Variants in ADAMTSL3 observed in about 807,000 individuals in gnomAD.
ADAMTSL3 encodes the protein ADAMTS like 3, also known as ADAMTS-like protein 3.
In ADAMTSL3, 128 loss-of-function variants were observed where a neutral mutation model predicts 201.7. That is an observed-to-expected ratio of 0.63 (90% CI 0.55 to 0.73). The LOEUF is 0.73. Ranked by LOEUF, ADAMTSL3 falls within the 30% of genes least tolerant of loss-of-function variation. The pLI is 0.00. For missense variants in ADAMTSL3, 1,990 were observed against 2,119.6 expected (o/e 0.94, Z 1.20); for synonymous variants, 738 against 748.4 (o/e 0.99, Z 0.23).
At chr15:83,737,485 T>G (rs1427408913) in intron 3 of ADAMTSL3, among the ~76,000 whole-genome samples, 1 of 152,172 alleles carries the variant, frequency 6.6e-6, no homozygotes, top group Non-Finnish European at 1.5e-5. Flanking sequence ...CTTTGTTCAC[T>G]CTTCTCTCTT....
intron 23 of ADAMTSL3, among the ~76,000 whole-genome samples, chr15:83,993,344 A>G (rs978958265): frequency 2.6e-5 from 4 of 152,218 alleles, no homozygotes; most frequent in Admixed American, 2.0e-4. Flanking sequence ...GTTATCATCC[A>G]ATTCAGTTTT....
chr15:83,788,163 A>G (rs1379303943), intron 4 of ADAMTSL3, among the ~76,000 whole-genome samples: 1 of 152,082 alleles, frequency 6.6e-6, no homozygotes, highest in Non-Finnish European at 1.5e-5. Flanking sequence ...ATTCAGAAAA[A>G]TGTCATCATT....
chr15:83,917,532 A>G (rs1256802505), intron 16 of ADAMTSL3, among the ~76,000 whole-genome samples: 1 of 152,182 alleles, frequency 6.6e-6, no homozygotes, highest in Non-Finnish European at 1.5e-5. Context: ...ACACATACTC[A>G]TGTACATCCT....
At chr15:83,894,696 C>T (rs1216934282) in intron 13 of ADAMTSL3, among the ~76,000 whole-genome samples, 1 of 152,070 alleles carries the variant, frequency 6.6e-6, no homozygotes, top group Non-Finnish European at 1.5e-5. Flanking sequence ...TATTCTACTT[C>T]TCTCCAAGAA....
At chr15:83,895,651 G>A (rs1410777305) in intron 13 of ADAMTSL3, among the ~76,000 whole-genome samples, 2 of 152,106 alleles carry the variant, frequency 1.3e-5, no homozygotes, top group African/African-American at 2.4e-5. Context: ...TTCCCAGAAC[G>A]GCGGTTTAAA....
At chr15:84,025,757 C>T (rs939977024) in intron 27 of ADAMTSL3, among the ~76,000 whole-genome samples, 1 of 152,042 alleles carries the variant, frequency 6.6e-6, no homozygotes, top group African/African-American at 2.4e-5. Flanking sequence ...GTGGTATCTG[C>T]ACAAAAGCCT....
intron 15 of ADAMTSL3, among the ~76,000 whole-genome samples, chr15:83,907,293 T>C (rs1011417650): frequency 6.6e-6 from 1 of 152,220 alleles, no homozygotes; most frequent in African/African-American, 2.4e-5. Flanking sequence ...TTTCATTTTT[T>C]TAACACACTC....
At chr15:83,685,838 A>G (rs2061529034) in intron 2 of ADAMTSL3, among the ~76,000 whole-genome samples, 2 of 152,176 alleles carry the variant, frequency 1.3e-5, no homozygotes, top group South Asian at 2.1e-4. Flanking sequence ...TGTCATAGTC[A>G]TTTAATAAGG....
At chr15:83,821,689 A>T (rs1380429188) in intron 6 of ADAMTSL3, among the ~76,000 whole-genome samples, 1 of 151,942 alleles carries the variant, frequency 6.6e-6, no homozygotes, top group Non-Finnish European at 1.5e-5. Flanking sequence ...TCTTTTCCCC[A>T]CCTTTCCCCA....
intron 4 of ADAMTSL3, among the ~76,000 whole-genome samples, chr15:83,783,015 A>G (rs2063200529): frequency 6.8e-6 from 1 of 147,896 alleles, no homozygotes; most frequent in Non-Finnish European, 1.5e-5. Flanking sequence ...TTATATATAC[A>G]TATATACGTA....
chr15:83,798,333 G>T (rs1012807592), intron 4 of ADAMTSL3, among the ~76,000 whole-genome samples: 2 of 152,184 alleles, frequency 1.3e-5, no homozygotes, highest in African/African-American at 4.8e-5. Flanking sequence ...TCTGAGGGTA[G>T]AAAACATCCT....
chr15:84,033,984 T>A (rs1031135092), intron 28 of ADAMTSL3, among the ~76,000 whole-genome samples: 8 of 151,968 alleles, frequency 5.3e-5, no homozygotes, highest in African/African-American at 1.9e-4. Context: ...GAGCTGGGGG[T>A]GAGTCAGAGT....
At chr15:83,735,962 C>G (rs997416434) in intron 3 of ADAMTSL3, among the ~76,000 whole-genome samples, 1 of 152,042 alleles carries the variant, frequency 6.6e-6, no homozygotes, top group African/African-American at 2.4e-5. Context: ...AGAAATAATC[C>G]TGTTTGCTCT....
intron 14 of ADAMTSL3, among the ~76,000 whole-genome samples, 179 bp downstream of exon 14, chr15:83,898,184 G>C (rs936488557): frequency 3.9e-5 from 6 of 151,968 alleles, no homozygotes; most frequent in Non-Finnish European, 8.8e-5. Context: ...TTCATCTGGA[G>C]GGAAAACTGA....
intron 7 of ADAMTSL3, among the ~76,000 whole-genome samples, chr15:83,843,530 C>T (rs755932125): frequency 6.6e-6 from 1 of 152,160 alleles, no homozygotes; most frequent in African/African-American, 2.4e-5. Flanking sequence ...GATTTTTTCC[C>T]TAGGCCATAT....
chr15:83,827,425 G>A (rs1281113026), intron 6 of ADAMTSL3, among the ~76,000 whole-genome samples: 2 of 152,148 alleles, frequency 1.3e-5, no homozygotes, highest in Admixed American at 1.3e-4. Context: ...TTTGTCAGAC[G>A]AGTAGATTGC....
chr15:83,877,361 T>C (rs771014907), intron 9 of ADAMTSL3, among the ~76,000 whole-genome samples: 10 of 152,376 alleles, frequency 6.6e-5, no homozygotes, highest in South Asian at 2.1e-4. Context: ...TATATGACTG[T>C]TTAATTGACC....
intron 3 of ADAMTSL3, among the ~76,000 whole-genome samples, chr15:83,772,088 A>T (rs1490271995): frequency 6.6e-6 from 1 of 152,146 alleles, no homozygotes; most frequent in Admixed American, 6.6e-5. Context: ...TCCTGAGCTC[A>T]GGAAATCTAC....
intron 7 of ADAMTSL3, among the ~76,000 whole-genome samples, chr15:83,855,250 G>C (rs2064706759): frequency 6.6e-6 from 1 of 152,166 alleles, no homozygotes; most frequent in Non-Finnish European, 1.5e-5. Context: ...CGGTCTTCTA[G>C]ATTTTCAGGA....
Sources: allele counts gnomAD v4.1 joint callset (sites outside exome capture counted in the v4.1 genomes callset), GRCh38; gene constraint gnomAD v4.1.1; transcripts MANE v1.5; gene names NCBI Gene and HGNC (gene_info 2026-07-23, HGNC 2026-07-21).